Variants in CCDC158 observed in about 807,000 individuals in gnomAD.
CCDC158 encodes coiled-coil domain-containing protein 158.
CCDC158 carries 116 observed loss-of-function variants against 138.6 expected under a neutral mutation model. The observed-to-expected ratio is 0.84, with a 90% CI of 0.72 to 0.98. CCDC158 has a LOEUF of 0.98. Among genes scored for constraint, CCDC158 ranks in the 50% least tolerant of loss-of-function variants. The pLI, the probability that CCDC158 is intolerant of heterozygous loss-of-function variation, is 0.00. For synonymous variants in CCDC158, 436 were observed against 442.4 expected (o/e 0.99, Z 0.18); for missense variants, 1,265 against 1,306.1 (o/e 0.97, Z 0.48).
rs375808480 is a variant in CCDC158 at position 76,351,751 on chromosome 4, C to G, written c.2507G>C (p.Arg836Pro). The G allele has an allele frequency of 6.2e-7, 1 of 1,612,654 alleles. No homozygotes were observed. The highest frequency in any genetic ancestry group is 2.2e-5 in the East Asian group (1 of 44,840). Reference protein sequence around the residue: ...IIQRQEQESVRLKLQHTLDIK... With the variant: ...IIQRQEQESVPLKLQHTLDIK... ...ATCCAAAGTGTGTTGAAGTTTTAAG[C>G]GCACTGATTCTTGCTCCTGACGCTG... The change falls in exon 17 of 25, where the codon CGC (arginine) becomes CCC (proline). Residue 836 changes from arginine to proline, a missense_variant. Coordinates refer to ENST00000682701, the MANE Select transcript of CCDC158 (RefSeq NM_001394954.1).
intron 2 of CCDC158, among the ~76,000 whole-genome samples, chr4:76,409,750 G>A (rs997461411): frequency 2.0e-5 from 3 of 152,140 alleles, no homozygotes; most frequent in African/African-American, 2.4e-5. Context: ...AGAATGGCGT[G>A]AACCCGGGAG....
intron 24 of CCDC158, among the ~76,000 whole-genome samples, chr4:76,321,591 AT>A (rs1720006312): frequency 6.8e-6 from 1 of 146,408 alleles, no homozygotes; most frequent in Non-Finnish European, 1.5e-5. Flanking sequence ...GTGTATATAT[AT>A]ATAATATAAT....
At chr4:76,339,366 G>A (rs1409744720) in intron 18 of CCDC158, among the ~76,000 whole-genome samples, 1 of 152,200 alleles carries the variant, frequency 6.6e-6, no homozygotes, top group African/African-American at 2.4e-5. Flanking sequence ...AGTTCAAAAG[G>A]TGACATGTGT....
chr4:76,411,181 C>A (rs1029240814), intron 2 of CCDC158, among the ~76,000 whole-genome samples: 1 of 152,136 alleles, frequency 6.6e-6, no homozygotes, highest in African/African-American at 2.4e-5. Flanking sequence ...GTGGGCGGAT[C>A]ACTTGAGCCC....
chr4:76,350,512 TA>T (rs1408220220), intron 18 of CCDC158, among the ~76,000 whole-genome samples: 11 of 152,308 alleles, frequency 7.2e-5, no homozygotes, highest in African/African-American at 2.4e-4. Flanking sequence ...ACATTGCACA[TA>T]TTTTTTTTCT....
rs370467553 is a variant in CCDC158, at chr4:76,335,499, T to C, written c.2665-1332A>G. Among the ~76,000 whole-genome samples the C allele has an allele frequency of 2.6e-5, 4 of 152,310 alleles. No individual in the cohort carries two copies. In the South Asian group the frequency reaches 8.3e-4, roughly 32 times the overall value. On this transcript the variant is annotated intron_variant, in intron 18 of 24. Transcript: ENST00000682701. ...GCAATGTAAAACCCATAAACATATA[T>C]AAATATGTTGTTCTCCCCTGTCATT...
intron 18 of CCDC158, among the ~76,000 whole-genome samples, chr4:76,339,468 T>C (rs779792222): frequency 6.6e-6 from 1 of 152,214 alleles, no homozygotes; most frequent in Non-Finnish European, 1.5e-5. Context: ...TGAATCACCA[T>C]GGTACACAAC....
chr4:76,349,772 C>T (rs918165688), intron 18 of CCDC158, among the ~76,000 whole-genome samples: 1 of 152,150 alleles, frequency 6.6e-6, no homozygotes, highest in Non-Finnish European at 1.5e-5. Context: ...TCTTAATAAT[C>T]AAGTACAATC....
At chr4:76,373,955 AC>A (rs1230296896) in intron 9 of CCDC158, among the ~76,000 whole-genome samples, 1 of 151,916 alleles carries the variant, frequency 6.6e-6, no homozygotes, top group Non-Finnish European at 1.5e-5. Flanking sequence ...GGAGTTCGAG[AC>A]CAGCCTGGGC....
chr4:76,409,910 C>CAA (rs113239882), intron 2 of CCDC158, among the ~76,000 whole-genome samples: 12 of 140,626 alleles, frequency 8.5e-5, no homozygotes, highest in African/African-American at 2.8e-4. Context: ...GGAATGTTGC[C>CAA]AAAAAAAAAA....
chr4:76,342,187 A>G (rs1317509978), intron 18 of CCDC158, among the ~76,000 whole-genome samples: 2 of 152,020 alleles, frequency 1.3e-5, no homozygotes, highest in African/African-American at 4.8e-5. Flanking sequence ...CTACAAGCAA[A>G]TGCCAACATG....
chr4:76,313,861 T>C (rs142701884), intron 24 of CCDC158, among the ~76,000 whole-genome samples: 2,240 of 152,342 alleles, frequency 0.015, 36 homozygotes, highest in Non-Finnish European at 0.023. Context: ...TAACAAAACG[T>C]CAATAAGTTT....
At chr4:76,416,465 C>A (rs941820909) in intron 1 of CCDC158, among the ~76,000 whole-genome samples, 2 of 152,328 alleles carry the variant, frequency 1.3e-5, no homozygotes, top group East Asian at 3.9e-4. Context: ...TAATGTTAAT[C>A]CCCAAGACCA....
At chr4:76,420,858 C>T (rs1298605069) in intron 1 of CCDC158, among the ~76,000 whole-genome samples, 107 bp downstream of exon 1, 1 of 152,174 alleles carries the variant, frequency 6.6e-6, no homozygotes, top group Non-Finnish European at 1.5e-5. Context: ...AGAACAAACA[C>T]GAGGCACCGG....
intron 1 of CCDC158, among the ~76,000 whole-genome samples, 65 bp downstream of exon 1, chr4:76,420,900 G>A (rs952264569): frequency 5.3e-5 from 8 of 152,218 alleles, no homozygotes; most frequent in African/African-American, 1.9e-4. Flanking sequence ...AGTCGCTCCG[G>A]GTCCTCAGAA....
intron 2 of CCDC158, among the ~76,000 whole-genome samples, chr4:76,406,064 T>A (rs539817065): frequency 6.6e-6 from 1 of 151,696 alleles, no homozygotes; most frequent in Non-Finnish European, 1.5e-5. Flanking sequence ...AAATTGACTT[T>A]AAAAAAAACA....
At chr4:76,367,813 G>GAAA (rs774553833) in intron 11 of CCDC158, 37 bp from the exon 12 acceptor site, 2 of 1,566,392 alleles carry the variant, frequency 1.3e-6, no homozygotes. Flanking sequence ...ATAGATTTGG[G>GAAA]AGGATAGGTA....
At chr4:76,372,874 A>G (rs1725370958) in intron 9 of CCDC158, among the ~76,000 whole-genome samples, 1 of 151,894 alleles carries the variant, frequency 6.6e-6, no homozygotes. Flanking sequence ...TTTGAAATGG[A>G]ATCTCGCCCT....
At chr4:76,391,701 A>G (rs1344694607) in intron 4 of CCDC158, among the ~76,000 whole-genome samples, 1 of 151,854 alleles carries the variant, frequency 6.6e-6, no homozygotes, top group Admixed American at 6.6e-5. Flanking sequence ...ATAAAATGAA[A>G]AAAATACAAA....
Sources: allele counts gnomAD v4.1 joint callset (sites outside exome capture counted in the v4.1 genomes callset), GRCh38; gene constraint gnomAD v4.1.1; transcripts MANE v1.5; gene names NCBI Gene and HGNC (gene_info 2026-07-23, HGNC 2026-07-21).